The following TMCC2 variants were observed in gnomAD, a reference collection of about 807,000 sequenced individuals.
TMCC2 encodes transmembrane and coiled-coil domains protein 2.
TMCC2 carries 16 observed loss-of-function variants against 49.4 expected under a neutral mutation model. That is an observed-to-expected ratio of 0.32 (90% confidence interval 0.22 to 0.49). TMCC2 has a LOEUF of 0.49. Ranked by LOEUF, TMCC2 falls within the 20% of genes least tolerant of loss-of-function variation. TMCC2 has a pLI of 0.99. For synonymous variants in TMCC2, 397 were observed against 434.1 expected, an observed-to-expected ratio of 0.91 and a Z score of 1.06; for missense variants, 762 against 989.8, an observed-to-expected ratio of 0.77 and a Z score of 3.09.
chr1:205,248,703 A>G (rs1574845682), intron 2 of TMCC2, among the ~76,000 whole-genome samples: 1 of 149,068 alleles, frequency 6.7e-6, no homozygotes, highest in African/African-American at 2.5e-5. Context: ...TGAGGTCCCC[A>G]CCCTCTTCTC....
At position 205,248,694 on chromosome 1, in the gene TMCC2, G is replaced by A. The variant is rs911024458; in HGVS notation, c.747+6650G>A. Among the ~76,000 whole-genome samples, 6 of 152,090 alleles carry A rather than the reference G, an allele frequency of 3.9e-5. No homozygotes were observed. The East Asian group carries it at 1.2e-3, about 29-fold the overall frequency. On this transcript the variant is annotated intron_variant, in intron 2 of 4. Transcript: ENST00000358024. ...CCACCTGGCTCCTCAGAAAACAGAT[G>A]AGGTCCCCACCCTCTTCTCCCTCTT...
chr1:205,233,730 C>G (rs1054618960), intron 1 of TMCC2: 7 of 151,926 alleles, frequency 4.6e-5, no homozygotes, highest in Non-Finnish European at 8.8e-5. Flanking sequence ...ACCTCATCTA[C>G]CCAAGTCAAG....
At chr1:205,244,945 C>T (rs1311991011) in intron 2 of TMCC2, among the ~76,000 whole-genome samples, 7 of 151,996 alleles carry the variant, frequency 4.6e-5, no homozygotes, top group Admixed American at 4.6e-4. Flanking sequence ...ATAGGGAAGA[C>T]AAAGGTCAGA....
intron 2 of TMCC2, chr1:205,257,404 G>C: frequency 8.1e-7 from 1 of 1,232,106 alleles, no homozygotes; most frequent in Non-Finnish European, 1.0e-6. Flanking sequence ...GAATTTCACC[G>C]GGCGGGGTGG....
chr1:205,265,754 T>G (rs938859244), intron 2 of TMCC2, among the ~76,000 whole-genome samples: 3 of 150,340 alleles, frequency 2.0e-5, no homozygotes, highest in African/African-American at 7.3e-5. Context: ...AGAGACAGGG[T>G]TTCACCATGT....
rs1400001805 is a variant in TMCC2, at chr1:205,239,511, G to A, written c.208-1994G>A. Among the ~76,000 whole-genome samples, 3 of 152,208 alleles carry A rather than the reference G, an allele frequency of 2.0e-5. No individual in the cohort carries two copies. In the East Asian group the frequency reaches 5.8e-4, roughly 29 times the overall value. ...CTGGCATTGTGTAACTTAAGATCTC[G>A]AGGGCTGCCCCAGAATTCAGTTCTT... On this transcript the variant is annotated intron_variant, in intron 1 of 4. Transcript: ENST00000358024.
intron 2 of TMCC2, among the ~76,000 whole-genome samples, chr1:205,260,988 T>A (rs1023668473): frequency 3.3e-5 from 5 of 152,272 alleles, no homozygotes; most frequent in Admixed American, 2.6e-4. Flanking sequence ...CTATGAGCAT[T>A]TGTGTACAAA....
At chr1:205,252,809 ATT>A (rs71147737) in intron 2 of TMCC2, among the ~76,000 whole-genome samples, 1 of 147,322 alleles carries the variant, frequency 6.8e-6, no homozygotes, top group Non-Finnish European at 1.5e-5. Context: ...GTGGTTTGTG[ATT>A]TTTTTTTTTT....
rs1204553796 is a variant in TMCC2 at position 205,264,563 on chromosome 1, C to T, written c.748-4387C>T. 1.3e-5 allele frequency among the ~76,000 whole-genome samples: 2 copies of T among 152,048 alleles called. No homozygotes were observed. The highest frequency in any genetic ancestry group is 2.9e-5 in the Non-Finnish European group (2 of 68,014). ...GCAGTGGCGTGATCTCGGTTCACTGCAAGCTCCGCCTCCCAGGTTCGCGCC... is the reference window on the plus strand; with the variant it reads ...GCAGTGGCGTGATCTCGGTTCACTGTAAGCTCCGCCTCCCAGGTTCGCGCC... On this transcript the variant is annotated intron_variant, in intron 2 of 4. Transcript: ENST00000358024. The surrounding 1 kb of genome is among the most constrained non-coding windows in gnomAD (Gnocchi z 4.2).
chr1:205,260,108 T>TGGATA (rs1442889775), intron 2 of TMCC2, among the ~76,000 whole-genome samples: 2 of 152,160 alleles, frequency 1.3e-5, no homozygotes, highest in African/African-American at 4.8e-5. Flanking sequence ...ACGGTTCTCC[T>TGGATA]CTTAGAGCTT....
intron 4 of TMCC2, 158 bp downstream of exon 4, chr1:205,271,413 C>T (rs1026631223): frequency 1.6e-5 from 20 of 1,240,480 alleles, no homozygotes; most frequent in African/African-American, 7.4e-5. Flanking sequence ...GTAGCGGGAG[C>T]GGAGTGGAGT....
At chr1:205,234,570 T>A (rs937833651) in intron 1 of TMCC2, among the ~76,000 whole-genome samples, 1 of 152,116 alleles carries the variant, frequency 6.6e-6, no homozygotes, top group African/African-American at 2.4e-5. Context: ...TGGAAATACA[T>A]AGAAGTTAAA....
At position 205,272,045 on chromosome 1, in the gene TMCC2, T is replaced by C; in HGVS notation, c.2051T>C (p.Leu684Pro). 5.6e-6 allele frequency: 9 copies of C among 1,614,212 alleles called. No homozygotes were observed. The highest frequency in any genetic ancestry group is 7.6e-6 in the Non-Finnish European group (9 of 1,180,026). ...TRLRITSTTLLVLVLFLLWKH... is the reference protein window; with the variant it reads ...TRLRITSTTLPVLVLFLLWKH... ...CTGCGCATCACCAGCACCACCCTCC[T>C]GGTCCTCGTCCTGTTCCTCCTCTGG... Residue 684 changes from leucine to proline, a missense_variant, in exon 5 of 5, where the codon CTG (leucine) becomes CCG (proline). Physicochemically the swap from Leu to Pro is moderately conservative, Grantham distance 98. Coordinates refer to ENST00000358024, the MANE Select transcript of TMCC2 (RefSeq NM_014858.4).
chr1:205,251,766 T>C (rs1660678536), intron 2 of TMCC2, among the ~76,000 whole-genome samples: 1 of 152,222 alleles, frequency 6.6e-6, no homozygotes, highest in Non-Finnish European at 1.5e-5. Context: ...CTCATGTCCT[T>C]TTGAAAGCCT....
At chr1:205,269,992 C>T (rs1661516365) in intron 3 of TMCC2, 108 bp downstream of exon 3, 7 of 1,125,350 alleles carry the variant, frequency 6.2e-6, no homozygotes, top group South Asian at 4.5e-5. Flanking sequence ...GCATCCTCAG[C>T]CTCCTGGCTG....
chr1:205,269,334 C>T lies in TMCC2; in HGVS notation c.1132C>T (p.Arg378Trp), dbSNP rs772092698. 6.2e-6 allele frequency: 10 copies of T among 1,613,036 alleles called. No homozygotes were observed. In the Admixed American group the frequency reaches 6.7e-5, roughly 11 times the overall value. Reference protein sequence around the residue: ...GPSRQPKDVLRDMQQGLKDVG... With the variant: ...GPSRQPKDVLWDMQQGLKDVG... Reference sequence around the variant, plus strand: ...CTCGCGGCAGCCCAAGGACGTGCTGCGGGACATGCAGCAGGGGCTGAAGGA... The same window carrying T: ...CTCGCGGCAGCCCAAGGACGTGCTGTGGGACATGCAGCAGGGGCTGAAGGA... The change falls in exon 3 of 5, where the codon CGG becomes TGG. Residue 378 changes from arginine (R) to tryptophan (W), a missense_variant. Transcript: ENST00000358024.
intron 2 of TMCC2, among the ~76,000 whole-genome samples, chr1:205,252,162 T>C (rs956787750): frequency 3.9e-5 from 6 of 152,196 alleles, no homozygotes; most frequent in Admixed American, 2.6e-4. Context: ...ATGTAAGTGG[T>C]TCTGTTCACT....
intron 1 of TMCC2, chr1:205,229,570 G>T (rs1659708753): frequency 2.3e-6 from 2 of 869,746 alleles, no homozygotes; most frequent in Non-Finnish European, 2.7e-6. Context: ...GGTGGCGGGG[G>T]CGGGGGGGGA....
chr1:205,229,545 C>CGGGGGGG lies in TMCC2; in HGVS notation c.207+781_207+787dup, dbSNP rs1241476015. The stretch of plus-strand genomic sequence containing the variant: ...CTCAGTTTGCCGATCTGTGAAGGGG[C>CGGGGGGG]GGGGGGGGGGGGGTGGTGGCGGGGG... On this transcript the variant is annotated intron_variant, in intron 1 of 4. Transcript: ENST00000358024. 15 of 283,958 alleles carry CGGGGGGG rather than the reference C, an allele frequency of 5.3e-5. No homozygotes were observed. The African/African-American group carries it at 1.2e-3, about 23-fold the overall frequency. 17.6% of individuals were successfully genotyped at this position (283,958 alleles called of 1,614,324 possible).
Sources: allele counts gnomAD v4.1 joint callset (sites outside exome capture counted in the v4.1 genomes callset), GRCh38; gene constraint gnomAD v4.1.1; non-coding constraint Gnocchi (gnomAD v3.1); transcripts MANE v1.5; gene names NCBI Gene and HGNC (gene_info 2026-07-23, HGNC 2026-07-21).